The following RNF150 variants were observed in gnomAD, a reference collection of about 807,000 sequenced individuals.
The protein encoded by RNF150 is ring finger protein 150.
In RNF150, 24 loss-of-function variants were observed where a neutral mutation model predicts 39.3. That is an observed-to-expected ratio of 0.61 (90% confidence interval 0.44 to 0.86). The LOEUF (loss-of-function observed/expected upper bound fraction) is 0.86. Among genes scored for constraint, RNF150 ranks in the 40% least tolerant of loss-of-function variants. The probability of loss-of-function intolerance (pLI) is 0.00; values close to 1 mark genes in which losing one functional copy is unlikely to be tolerated. For synonymous variants in RNF150, 255 were observed against 227.3 expected (o/e 1.12, Z -1.10); for missense variants, 502 against 587.8 (o/e 0.85, Z 1.51).
rs1726719195 is a variant in RNF150, at chr4:141,125,278, T to C, written c.484+7047A>G. Among the ~76,000 whole-genome samples, 3 of 139,280 alleles carry C rather than the reference T, an allele frequency of 2.2e-5. No homozygotes were observed. In the Admixed American group the frequency reaches 2.2e-4, roughly 10 times the overall value. 91.4% of individuals were successfully genotyped at this position (139,280 alleles called of 152,430 possible). A position where few individuals can be genotyped will look rare whatever the true frequency, so the allele number is the denominator to read the frequency against. On this transcript the variant is annotated intron_variant, in intron 1 of 6. Coordinates refer to ENST00000515673, the MANE Select transcript of RNF150 (RefSeq NM_020724.2). ...ATTATACCTGTAGACAAGGTTTCTA[T>C]TTAATAGAACGATTGTAAATTGCAA... is the stretch of plus-strand genomic sequence containing the variant.
chr4:141,204,874 G>T (rs1156365447), intron 1 of RNF150, among the ~76,000 whole-genome samples: 1 of 152,186 alleles, frequency 6.6e-6, no homozygotes, highest in Non-Finnish European at 1.5e-5. Context: ...ATCTAAGACT[G>T]TTTATTATTT....
At chr4:141,142,517 A>G (rs751348582) in intron 1 of RNF150, among the ~76,000 whole-genome samples, 1 of 152,212 alleles carries the variant, frequency 6.6e-6, no homozygotes, top group Non-Finnish European at 1.5e-5. Flanking sequence ...AAAACTTTTC[A>G]AAAACATTGG....
At chr4:141,043,448 A>G (rs1356554856) in intron 1 of RNF150, among the ~76,000 whole-genome samples, 1 of 152,098 alleles carries the variant, frequency 6.6e-6, no homozygotes, top group East Asian at 1.9e-4. Flanking sequence ...GAGCAAAAAC[A>G]TTTTTTCTGA....
At chr4:140,992,342 C>T (rs1260075058) in intron 1 of RNF150, among the ~76,000 whole-genome samples, 2 of 151,662 alleles carry the variant, frequency 1.3e-5, no homozygotes, top group African/African-American at 4.9e-5. Flanking sequence ...TGCACTCAAA[C>T]CTGGGTGAAG....
intron 6 of RNF150, among the ~76,000 whole-genome samples, chr4:140,896,513 A>AAT (rs1729947082): frequency 1.3e-5 from 1 of 75,068 alleles, no homozygotes; most frequent in Non-Finnish European, 2.6e-5. Context: ...CAGGAAGGGG[A>AAT]ATATCACACT....
chr4:140,937,784 A>G (rs1408091618), intron 4 of RNF150, among the ~76,000 whole-genome samples: 1 of 152,030 alleles, frequency 6.6e-6, no homozygotes, highest in Admixed American at 6.6e-5. Context: ...TGTTTTCAAC[A>G]TTTTGCACAA....
upstream of RNF150, among the ~76,000 whole-genome samples, chr4:141,133,622 C>T (rs545091260): frequency 1.2e-4 from 18 of 152,240 alleles, no homozygotes; most frequent in South Asian, 3.7e-3. Flanking sequence ...CAACCTCAAT[C>T]GGCGACTTAA....
chr4:141,009,281 G>A (rs966510280), intron 1 of RNF150, among the ~76,000 whole-genome samples: 6 of 152,156 alleles, frequency 3.9e-5, no homozygotes, highest in African/African-American at 1.2e-4. Context: ...AGCAACACTG[G>A]AGAAGGAAAG....
At chr4:141,027,926 G>GTTTTTTTTTTTTTTTTTTTT (rs61543533) in intron 1 of RNF150, among the ~76,000 whole-genome samples, 5 of 69,152 alleles carry the variant, frequency 7.2e-5, no homozygotes, top group Admixed American at 2.2e-4. Flanking sequence ...TTTTTTTTTT[G>GTTTTTTTTTTTTTTTTTTTT]TTTTTTTTTT....
chr4:141,020,005 G>A (rs183021831), intron 1 of RNF150, among the ~76,000 whole-genome samples: 44 of 152,078 alleles, frequency 2.9e-4, no homozygotes, highest in African/African-American at 1.1e-3. Context: ...TTAACTCTTA[G>A]ACAGTGTTTC....
chr4:141,133,561 T>A (rs944255696), upstream of RNF150: 1 of 152,264 alleles, frequency 6.6e-6, no homozygotes, highest in Non-Finnish European at 1.5e-5. Flanking sequence ...CTTGCCATGT[T>A]CCCTTGGTCT....
chr4:141,069,604 T>C (rs1281636324), intron 1 of RNF150, among the ~76,000 whole-genome samples: 1 of 150,906 alleles, frequency 6.6e-6, no homozygotes, highest in African/African-American at 2.5e-5. Context: ...TCCCTCTTTT[T>C]CTATTGATTG....
chr4:140,893,408 T>C (rs191109325), intron 6 of RNF150, among the ~76,000 whole-genome samples: 99 of 152,356 alleles, frequency 6.5e-4, no homozygotes, highest in Admixed American at 9.8e-4. Context: ...AGGGGACTTA[T>C]GCTCTTTTGA....
intron 6 of RNF150, 137 bp downstream of exon 6, chr4:140,911,007 T>G: frequency 1.4e-6 from 1 of 703,634 alleles, no homozygotes; most frequent in Middle Eastern, 3.5e-4. Context: ...TTCTAACAGC[T>G]GGCAGTTATA....
chr4:141,204,671 T>C (rs1728345012), intron 1 of RNF150, among the ~76,000 whole-genome samples: 1 of 152,186 alleles, frequency 6.6e-6, no homozygotes, highest in Non-Finnish European at 1.5e-5. Flanking sequence ...AGTGCCAATC[T>C]TGATGTACAT....
intron 1 of RNF150, among the ~76,000 whole-genome samples, chr4:141,031,164 T>C (rs1317359198): frequency 6.6e-6 from 1 of 151,794 alleles, no homozygotes; most frequent in Non-Finnish European, 1.5e-5. Flanking sequence ...AGAAAAAGGA[T>C]AGTCTCTTCA....
In RNF150 at chr4:141,133,198, G is replaced by A. The variant is rs1578759356; in HGVS notation, c.-390C>T. Reference sequence around the variant, plus strand: ...GGCGGCCCTGCGCCCTCCAGCCCCGGCGGGGACGGGCACGATTGCTCGTAG... The same window carrying A: ...GGCGGCCCTGCGCCCTCCAGCCCCGACGGGGACGGGCACGATTGCTCGTAG... On this transcript the variant is annotated 5_prime_UTR_variant, in exon 1 of 7. Coordinates refer to ENST00000515673, the MANE Select transcript of RNF150 (RefSeq NM_020724.2). 1 of 236,740 alleles carries A rather than the reference G, an allele frequency of 4.2e-6. No individual in the cohort carries two copies. Among genetic ancestry groups the A allele is most frequent in the Admixed American group, 5.9e-5 (1 of 16,914 alleles). 14.7% of individuals were successfully genotyped at this position (236,740 alleles called of 1,614,324 possible).
intron 6 of RNF150, among the ~76,000 whole-genome samples, chr4:140,877,187 T>A (rs937571912): frequency 6.6e-6 from 1 of 152,236 alleles, no homozygotes; most frequent in African/African-American, 2.4e-5. Context: ...CTGATTTCCT[T>A]GGCAGTTCAT....
At chr4:140,960,568 T>C (rs974655532) in intron 2 of RNF150, among the ~76,000 whole-genome samples, 3 of 152,166 alleles carry the variant, frequency 2.0e-5, no homozygotes, top group Non-Finnish European at 4.4e-5. Flanking sequence ...CTCCTACCCC[T>C]GCCCTCTAGG....
Sources: allele counts gnomAD v4.1 joint callset (sites outside exome capture counted in the v4.1 genomes callset), GRCh38; gene constraint gnomAD v4.1.1; transcripts MANE v1.5; gene names NCBI Gene and HGNC (gene_info 2026-07-23, HGNC 2026-07-21).